The following ITGBL1 variants were observed in gnomAD, a reference collection of about 807,000 sequenced individuals.
ITGBL1 encodes integrin beta-like protein 1.
In ITGBL1, 51 loss-of-function variants were observed where a neutral mutation model predicts 68.5. The observed-to-expected ratio is 0.74, with a 90% CI of 0.59 to 0.94. The LOEUF (loss-of-function observed/expected upper bound fraction) is 0.94, where lower values mean the gene tolerates loss of function less well. Among genes scored for constraint, ITGBL1 ranks in the 40% least tolerant of loss-of-function variants. ITGBL1 has a pLI of 0.00. For synonymous variants in ITGBL1, 209 were observed against 227.3 expected (o/e 0.92, Z 0.72); for missense variants, 649 against 647.4 (o/e 1.00, Z -0.03).
At chr13:101,500,462 C>T (rs146820659) in intron 2 of ITGBL1, among the ~76,000 whole-genome samples, 117 of 152,254 alleles carry the variant, frequency 7.7e-4, no homozygotes, top group African/African-American at 2.6e-3. Flanking sequence ...TTCTCAGGAG[C>T]GAAATGTTCT....
intron 7 of ITGBL1, among the ~76,000 whole-genome samples, chr13:101,686,208 C>T (rs1017616934): frequency 7.2e-5 from 11 of 152,262 alleles, no homozygotes; most frequent in African/African-American, 2.4e-4. Flanking sequence ...CAACCACCAC[C>T]ACCACTGCTT....
At position 101,579,408 on chromosome 13, in the gene ITGBL1, C is replaced by A. The variant is rs1421949360; in HGVS notation, c.708C>A (p.Gly236=). The A allele has an allele frequency of 1.2e-6, 2 of 1,613,554 alleles. No homozygotes were observed. The highest frequency in any genetic ancestry group is 2.7e-5 in the African/African-American group (2 of 74,886). ...ESKRRCTSPD[G]KICSNRGTCV... ...AGCGAAGATGCACGTCTCCAGATGG[C>A]AAAATCTGCAGTAACAGAGGTGTGT... The change falls in exon 5 of 11, where the codon GGC becomes GGA. Residue 236 remains glycine, a synonymous_variant. Coordinates refer to ENST00000376180, the MANE Select transcript of ITGBL1 (RefSeq NM_004791.3).
chr13:101,562,330 ATATC>A (rs1384373530), intron 2 of ITGBL1, among the ~76,000 whole-genome samples: 4 of 152,102 alleles, frequency 2.6e-5, no homozygotes, highest in Non-Finnish European at 5.9e-5. Context: ...TGGTAGATTT[ATATC>A]CAGCAATGTA....
intron 2 of ITGBL1, among the ~76,000 whole-genome samples, chr13:101,472,421 G>A (rs1007221780): frequency 1.3e-5 from 2 of 152,008 alleles, no homozygotes; most frequent in African/African-American, 4.8e-5. Flanking sequence ...TAATTTTCGT[G>A]CGTTTTCTAC....
chr13:101,668,555 T>C (rs1333052631), intron 7 of ITGBL1, among the ~76,000 whole-genome samples: 2 of 152,220 alleles, frequency 1.3e-5, no homozygotes, highest in Non-Finnish European at 2.9e-5. Flanking sequence ...ACTTGGGTGA[T>C]GAACACCTGA....
intron 7 of ITGBL1, among the ~76,000 whole-genome samples, chr13:101,644,556 T>A (rs2032497879): frequency 6.6e-6 from 1 of 152,184 alleles, no homozygotes; most frequent in Non-Finnish European, 1.5e-5. Context: ...CATCAAATTT[T>A]CATTGAAAAA....
chr13:101,477,952 G>A (rs2139031250), intron 2 of ITGBL1, among the ~76,000 whole-genome samples: 1 of 152,012 alleles, frequency 6.6e-6, no homozygotes, highest in South Asian at 2.1e-4. Flanking sequence ...TTCAAAAAAT[G>A]GAGGAGGAGG....
At chr13:101,471,663 C>T (rs937969348) in intron 2 of ITGBL1, among the ~76,000 whole-genome samples, 6 of 152,090 alleles carry the variant, frequency 3.9e-5, no homozygotes, top group East Asian at 1.9e-4. Context: ...TTCTGCTGCA[C>T]GTTATTTTTA....
intron 7 of ITGBL1, among the ~76,000 whole-genome samples, chr13:101,606,879 G>A (rs777856818): frequency 5.3e-5 from 8 of 151,880 alleles, no homozygotes; most frequent in South Asian, 2.1e-4. Flanking sequence ...ACTGATAATC[G>A]GTTCCCCATA....
intron 8 of ITGBL1, among the ~76,000 whole-genome samples, chr13:101,697,245 A>G (rs1259655711): frequency 2.6e-5 from 4 of 152,138 alleles, no homozygotes; most frequent in Non-Finnish European, 4.4e-5. Context: ...AAAAAAATAT[A>G]TAGAGAGAAA....
intron 7 of ITGBL1, among the ~76,000 whole-genome samples, chr13:101,613,293 T>A (rs1370341724): frequency 6.6e-6 from 1 of 151,778 alleles, no homozygotes; most frequent in Non-Finnish European, 1.5e-5. Context: ...AAGGTCAACG[T>A]TCATTCATTC....
intron 7 of ITGBL1, among the ~76,000 whole-genome samples, chr13:101,606,372 T>C (rs1037339351): frequency 5.9e-5 from 9 of 151,516 alleles, no homozygotes; most frequent in African/African-American, 1.9e-4. Context: ...GCTGTAGATA[T>C]ATTTTCATGT....
At chr13:101,472,364 A>G (rs1252548704) in intron 2 of ITGBL1, among the ~76,000 whole-genome samples, 1 of 152,234 alleles carries the variant, frequency 6.6e-6, no homozygotes, top group Non-Finnish European at 1.5e-5. Flanking sequence ...GTCTGTTTTT[A>G]TATGCACATT....
chr13:101,599,540 G>T (rs2030219212), intron 7 of ITGBL1, among the ~76,000 whole-genome samples: 1 of 151,952 alleles, frequency 6.6e-6, no homozygotes, highest in African/African-American at 2.4e-5. Context: ...GTATTGCCTA[G>T]GTTTTCTTCT....
intron 2 of ITGBL1, among the ~76,000 whole-genome samples, chr13:101,549,517 A>G (rs1412223007): frequency 6.6e-6 from 1 of 152,046 alleles, no homozygotes; most frequent in East Asian, 1.9e-4. Context: ...CTGCAACATG[A>G]TGGAAGTAAA....
At chr13:101,519,082 C>T (rs1301778035) in intron 2 of ITGBL1, among the ~76,000 whole-genome samples, 1 of 152,074 alleles carries the variant, frequency 6.6e-6, no homozygotes, top group Non-Finnish European at 1.5e-5. Context: ...AAAATAAAGT[C>T]AGTGGTACGC....
At chr13:101,544,453 G>C (rs552362286) in intron 2 of ITGBL1, among the ~76,000 whole-genome samples, 1 of 152,168 alleles carries the variant, frequency 6.6e-6, no homozygotes, top group East Asian at 1.9e-4. Context: ...TGAGGTGTCA[G>C]TCTGCCCCTA....
intron 7 of ITGBL1, among the ~76,000 whole-genome samples, chr13:101,622,602 A>G (rs16959199): frequency 0.016 from 2,370 of 152,276 alleles, 65 homozygotes; most frequent in African/African-American, 0.054. Flanking sequence ...TTGTATTTCT[A>G]AAACCTAGAA....
chr13:101,469,980 A>T (rs929427799), intron 2 of ITGBL1, among the ~76,000 whole-genome samples: 5 of 152,188 alleles, frequency 3.3e-5, no homozygotes, highest in Admixed American at 3.3e-4. Flanking sequence ...TCTGAGCCTC[A>T]GTTCAGTTAA....
Sources: gnomAD v4.1 joint callset for allele counts (sites outside exome capture counted in the v4.1 genomes callset) on GRCh38, gnomAD v4.1.1 for gene constraint, MANE v1.5 for transcripts, NCBI Gene and HGNC (gene_info 2026-07-23, HGNC 2026-07-21) for gene names.